BAZ2B: variants seen among roughly 807,000 people sequenced by gnomAD.
The protein encoded by BAZ2B is bromodomain adjacent to zinc finger domain protein 2B.
BAZ2B carries 91 observed loss-of-function variants against 246.0 expected under a neutral mutation model. The observed-to-expected ratio is 0.37, with a 90% confidence interval of 0.31 to 0.44. The LOEUF is 0.44. BAZ2B is among the 20% of genes least tolerant of loss of function. BAZ2B has a pLI of 1.00. For missense variants in BAZ2B, 2,332 were observed against 2,533.7 expected (o/e 0.92, Z 1.71); for synonymous variants, 855 against 860.0 (o/e 0.99, Z 0.10).
At chr2:159,540,064 T>G (rs1182868134) in intron 2 of BAZ2B, among the ~76,000 whole-genome samples, 1 of 152,196 alleles carries the variant, frequency 6.6e-6, no homozygotes, top group Non-Finnish European at 1.5e-5. Flanking sequence ...AATATTTTAC[T>G]TATATATTTG....
chr2:159,698,413 C>CAGG, the BAZ2B span, among the ~76,000 whole-genome samples: 1 of 150,454 alleles, frequency 6.6e-6, no homozygotes, highest in African/African-American at 2.5e-5. Context: ...CCCAGCTACT[C>CAGG]AGATGACTTG....
the BAZ2B span, among the ~76,000 whole-genome samples, chr2:159,690,858 G>A: frequency 7.2e-6 from 1 of 138,708 alleles, no homozygotes; most frequent in African/African-American, 2.5e-5. Context: ...CTTCTGTTCT[G>A]TTGTACTTCT....
intron 2 of BAZ2B, among the ~76,000 whole-genome samples, chr2:159,518,305 A>C (rs1349029335): frequency 6.6e-6 from 1 of 152,210 alleles, no homozygotes; most frequent in East Asian, 1.9e-4. Context: ...AGGAACAAAA[A>C]CCAGTTGGAA....
chr2:159,348,705 T>A lies in BAZ2B; in HGVS notation c.5266A>T (p.Thr1756Ser), dbSNP rs1575876784. The A allele has an allele frequency of 6.2e-7, 1 of 1,608,224 alleles. No individual in the cohort carries two copies. Among genetic ancestry groups the A allele is most frequent in the African/African-American group, 1.3e-5 (1 of 74,666 alleles). ...KQIQKHLDYI[T>S]QACLKNKDVA... ...TCCTTATTCTTGAGGCAGGCTTGAG[T>A]AATATAATCCAAATGTTTCTGAATT... Residue 1756 changes from threonine (T) to serine (S), a missense_variant, in exon 30 of 37, where the codon ACT becomes TCT. By Grantham distance (58) the Thr-to-Ser change is moderately conservative (BLOSUM62 1). Transcript: ENST00000392783.
chr2:159,441,043 CATTT>C (rs1411404043), intron 6 of BAZ2B, among the ~76,000 whole-genome samples: 13 of 152,012 alleles, frequency 8.6e-5, no homozygotes. Context: ...TTAAGACTAC[CATTT>C]ATTTGTCAAA....
chr2:159,660,075 C>T, the BAZ2B span, among the ~76,000 whole-genome samples: 1 of 152,106 alleles, frequency 6.6e-6, no homozygotes, highest in Non-Finnish European at 1.5e-5. Context: ...TTCATCATGC[C>T]AAACAGAAAC....
the BAZ2B span, among the ~76,000 whole-genome samples, chr2:159,707,877 G>A: frequency 6.6e-6 from 1 of 152,076 alleles, no homozygotes; most frequent in Non-Finnish European, 1.5e-5. Flanking sequence ...TGTAATCCGA[G>A]CTACTCGGGA....
intron 17 of BAZ2B, 142 bp downstream of exon 17, chr2:159,400,457 A>T: frequency 1.8e-6 from 1 of 542,752 alleles, no homozygotes; most frequent in Non-Finnish European, 3.3e-6. Flanking sequence ...GCTCAGATAA[A>T]GTTTTATTCT....
chr2:159,703,882 T>G, the BAZ2B span, among the ~76,000 whole-genome samples: 2 of 152,112 alleles, frequency 1.3e-5, no homozygotes, highest in Non-Finnish European at 2.9e-5. Context: ...AATTTTTTTT[T>G]GAAAAGTACA....
upstream of BAZ2B, chr2:159,616,697 G>A (rs1441615665): frequency 6.6e-6 from 1 of 152,204 alleles, no homozygotes; most frequent in Non-Finnish European, 1.5e-5. Flanking sequence ...AAGGGAGGGG[G>A]TTGCTTCTTC....
At chr2:159,584,614 G>A (rs1021216459) in intron 1 of BAZ2B, among the ~76,000 whole-genome samples, 9 of 152,268 alleles carry the variant, frequency 5.9e-5, no homozygotes, top group Admixed American at 3.3e-4. Context: ...ATTTGTTGAC[G>A]CCTTATAAGT....
At chr2:159,386,682 A>G in intron 21 of BAZ2B, 75 bp from the exon 22 acceptor site, 1 of 1,424,142 alleles carries the variant, frequency 7.0e-7, no homozygotes, top group Non-Finnish European at 9.3e-7. Context: ...TATCTTCTAA[A>G]GTAAAATAAG....
At chr2:159,652,939 ATTTTTAT>A in the BAZ2B span, among the ~76,000 whole-genome samples, 4 of 28,522 alleles carry the variant, frequency 1.4e-4, no homozygotes, top group Middle Eastern at 0.023. Context: ...TTTTATTTTT[ATTTTTAT>A]TTTTTTTTTG....
At chr2:159,439,761 A>G (rs949232803) in intron 6 of BAZ2B, among the ~76,000 whole-genome samples, 3 of 152,204 alleles carry the variant, frequency 2.0e-5, no homozygotes, top group African/African-American at 7.2e-5. Flanking sequence ...TAAGTGCTGT[A>G]GAGAAGATAA....
chr2:159,558,327 G>C (rs1184296043), intron 1 of BAZ2B, among the ~76,000 whole-genome samples: 1 of 152,114 alleles, frequency 6.6e-6, no homozygotes, highest in Non-Finnish European at 1.5e-5. Context: ...CGCGATCTCA[G>C]CTCACCGCAA....
chr2:159,611,764 G>A (rs182136038), intron 1 of BAZ2B, among the ~76,000 whole-genome samples: 1 of 151,994 alleles, frequency 6.6e-6, no homozygotes, highest in East Asian at 1.9e-4. Flanking sequence ...ATTGGGACTA[G>A]AAAAATTCTC....
chr2:159,600,007 G>C (rs1164263992), intron 1 of BAZ2B, among the ~76,000 whole-genome samples: 1 of 151,872 alleles, frequency 6.6e-6, no homozygotes, highest in Non-Finnish European at 1.5e-5. Context: ...GGGTACTATA[G>C]TAGGTAAAAT....
At chr2:159,574,142 TACAC>T (rs70997110) in intron 1 of BAZ2B, among the ~76,000 whole-genome samples, 11,333 of 145,090 alleles carry the variant, frequency 0.078, 948 homozygotes, top group African/African-American at 0.21. Flanking sequence ...CACACACACA[TACAC>T]ACACACACAC....
the BAZ2B span, among the ~76,000 whole-genome samples, chr2:159,683,498 C>T: frequency 6.6e-6 from 1 of 152,170 alleles, no homozygotes; most frequent in Non-Finnish European, 1.5e-5. Context: ...TCCATCACTC[C>T]AAAATATTCC....
Sources: gnomAD v4.1 joint callset for allele counts (sites outside exome capture counted in the v4.1 genomes callset) on GRCh38, gnomAD v4.1.1 for gene constraint, MANE v1.5 for transcripts, NCBI Gene and HGNC (gene_info 2026-07-23, HGNC 2026-07-21) for gene names.